The following FBF1 variants were observed in gnomAD, a reference collection of about 807,000 sequenced individuals.
The protein encoded by FBF1 is fas-binding factor 1.
FBF1 carries 119 observed loss-of-function variants against 147.2 expected under a neutral mutation model. The ratio of observed to expected loss-of-function variants is 0.81; its 90% CI spans 0.70 to 0.94. FBF1 has a LOEUF of 0.94. Ranked by LOEUF, FBF1 falls within the 40% of genes least tolerant of loss-of-function variation. The pLI is 0.00. For missense variants in FBF1, 1,449 were observed against 1,500.8 expected (o/e 0.97, Z 0.57); for synonymous variants, 601 against 609.0 (o/e 0.99, Z 0.19).
At chr17:75,917,601 G>A (rs1434309578) in intron 23 of FBF1, 131 bp downstream of exon 23, 3 of 799,652 alleles carry the variant, frequency 3.8e-6, no homozygotes, top group Non-Finnish European at 5.9e-6. Flanking sequence ...AGATGTAGAG[G>A]CAGGAAGCGG....
In FBF1 at chr17:75,922,173, G is replaced by T; in HGVS notation, c.1425-127C>A. ...CCCTTCCTCCTGCTTCCACCATCCC[G>T]TCTTGGGGCATTCTCCTCCCACGTC... is the stretch of plus-strand genomic sequence containing the variant. On this transcript the variant is annotated intron_variant, in intron 14 of 29. Transcript: ENST00000636174. This position sits in a 1 kb window ranked among gnomAD's most constrained non-coding sequence, Gnocchi z 5.0. 2.8e-6 allele frequency: 2 copies of T among 726,510 alleles called. No homozygotes were observed. The highest frequency in any genetic ancestry group is 4.5e-6 in the Non-Finnish European group (2 of 441,050). The allele number at this position is 726,510 out of a possible 1,614,324, so 45.0% of individuals were successfully genotyped here.
At chr17:75,931,315 A>C (rs1400876853) in intron 5 of FBF1, 26 bp from the exon 6 acceptor site, 2 of 1,568,756 alleles carry the variant, frequency 1.3e-6, no homozygotes, top group African/African-American at 2.7e-5. Flanking sequence ...GTCAGCCCCT[A>C]CCTGCATCCC....
Position 75,923,755 on chromosome 17 carries a change from C to A in FBF1, c.969-114G>T, listed in dbSNP as rs2065543854. On this transcript the variant is annotated intron_variant, in intron 13 of 29. Transcript: ENST00000636174. This position sits in a 1 kb window ranked among gnomAD's most constrained non-coding sequence, Gnocchi z 4.1. ...AGGGACCCTGCACAGTCAGCTGAGGCCCAGTGAGCAGTGGCTCCTGGACCG... is the reference window on the plus strand; with the variant it reads ...AGGGACCCTGCACAGTCAGCTGAGGACCAGTGAGCAGTGGCTCCTGGACCG... The A allele has an allele frequency of 5.5e-6, 6 of 1,091,036 alleles. No individual in the cohort carries two copies. Among genetic ancestry groups the A allele is most frequent in the Non-Finnish European group, 6.4e-6 (5 of 780,326 alleles). The allele number at this position is 1,091,036 out of a possible 1,614,324, so 67.6% of individuals were successfully genotyped here. A position where few individuals can be genotyped will look rare whatever the true frequency, so the allele number is the denominator to read the frequency against.
In FBF1 at chr17:75,927,984, C is replaced by T. The variant is rs6501840; in HGVS notation, c.397+92G>A. On this transcript the variant is annotated intron_variant, in intron 8 of 29. Transcript: ENST00000636174. ...CAGAGAAAACCCAAGGACATGAACG[C>T]TTCCTACTAGCATCTTCCACGTCCT... 9,763 of 1,037,252 alleles carry T rather than the reference C, an allele frequency of 9.4e-3. 285 individuals carry two copies. Among genetic ancestry groups the T allele is most frequent in the African/African-American group, 0.081 (5,100 of 62,722 alleles). The allele number at this position is 1,037,252 out of a possible 1,614,324, so 64.3% of individuals were successfully genotyped here.
In FBF1 at chr17:75,926,337, A is replaced by T. The variant is rs372219384; in HGVS notation, c.685T>A (p.Leu229Met). Reference protein sequence around the residue: ...FDDGDDIMATLGFGDSPKAEK... With the variant: ...FDDGDDIMATMGFGDSPKAEK... ...GCTTTGGGGCTGTCTCCAAACCCCA[A>T]GGTGGCCATGATGTCATCCCCATCA... is the stretch of plus-strand genomic sequence containing the variant. Residue 229 changes from leucine to methionine, a missense_variant, in exon 11 of 30, where the codon TTG becomes ATG. Coordinates refer to ENST00000636174, the MANE Select transcript of FBF1 (RefSeq NM_001319193.2). The T allele has an allele frequency of 6.2e-7, 1 of 1,613,166 alleles. No individual in the cohort carries two copies. Among genetic ancestry groups the T allele is most frequent in the African/African-American group, 1.3e-5 (1 of 74,932 alleles).
In FBF1 at chr17:75,910,272, G is replaced by C. The variant is rs1023303629; in HGVS notation, c.*451C>G. ...GAGGGCCCTTCTCCAGCTCATCAGG[G>C]AGGGAACTGCTCTGGCAGGGAGTAG... On this transcript the variant is annotated 3_prime_UTR_variant, in exon 30 of 30. Transcript: ENST00000636174. This position sits in a 1 kb window ranked among gnomAD's most constrained non-coding sequence, Gnocchi z 4.1. The C allele has an allele frequency of 5.8e-6, 2 of 347,022 alleles. No homozygotes were observed. The highest frequency in any genetic ancestry group is 1.1e-5 in the Non-Finnish European group (2 of 177,362). The allele number at this position is 347,022 out of a possible 1,614,324, so 21.5% of individuals were successfully genotyped here. A position where few individuals can be genotyped will look rare whatever the true frequency, so the allele number is the denominator to read the frequency against.
chr17:75,917,668 C>T (rs1017777806), intron 23 of FBF1, 64 bp downstream of exon 23: 23 of 1,429,556 alleles, frequency 1.6e-5, no homozygotes, highest in African/African-American at 7.0e-5. Flanking sequence ...GCTACACTTG[C>T]GGGTGCCCTG....
intron 23 of FBF1, among the ~76,000 whole-genome samples, chr17:75,916,851 T>C (rs2065491911): frequency 1.3e-5 from 2 of 152,190 alleles, no homozygotes; most frequent in African/African-American, 4.8e-5. Context: ...TTTAAATGTT[T>C]TTATTATTTA....
Position 75,923,621 on chromosome 17 carries a change from C to A in FBF1, c.989G>T (p.Gly330Val). ...GCCTGGTTCTCCCTTGGGGTCTGCG[C>A]CACTGTCTGCGAAGAACCTACTTCA... The part of the protein sequence containing the change: ...QSVSRFFADS[G>V]ADPKGEPGSK... Residue 330 changes from glycine to valine, a missense_variant, in exon 14 of 30, where the codon GGC becomes GTC. Physicochemically the swap from Gly to Val is moderately radical, Grantham distance 109. Transcript: ENST00000636174. The surrounding 1 kb of genome is among the most constrained non-coding windows in gnomAD (Gnocchi z 4.1). The A allele has an allele frequency of 6.2e-7, 1 of 1,606,594 alleles. No homozygotes were observed. The highest frequency in any genetic ancestry group is 1.1e-5 in the South Asian group (1 of 89,750).
At position 75,918,137 on chromosome 17, in the gene FBF1, G is replaced by C; in HGVS notation, c.2246+25C>G. On this transcript the variant is annotated intron_variant, in intron 21 of 29. Transcript: ENST00000636174. The surrounding 1 kb of genome is among the most constrained non-coding windows in gnomAD (Gnocchi z 5.8). ...ACCTTCCGGCCCCCAACGTCAGGCG[G>C]GCATGGTTGGGGCAGCGCACATACC... 1.9e-6 allele frequency: 3 copies of C among 1,611,316 alleles called. No individual in the cohort carries two copies. The highest frequency in any genetic ancestry group is 2.5e-6 in the Non-Finnish European group (3 of 1,178,362).
intron 5 of FBF1, 71 bp downstream of exon 5, chr17:75,932,924 T>C: frequency 1.2e-6 from 1 of 827,564 alleles, no homozygotes; most frequent in Admixed American, 3.0e-5. Context: ...AAGTAGAAAG[T>C]GGGGGGTGGA....
intron 15 of FBF1, among the ~76,000 whole-genome samples, 185 bp downstream of exon 15, chr17:75,921,760 G>A (rs117690091): frequency 0.031 from 4,651 of 148,112 alleles, 108 homozygotes; most frequent in Middle Eastern, 0.11. Flanking sequence ...GGTGGGACAC[G>A]GGGATGGGGC....
intron 25 of FBF1, 35 bp from the exon 26 acceptor site, chr17:75,914,333 C>CCAGGAATTG: frequency 6.4e-7 from 1 of 1,565,620 alleles, no homozygotes; most frequent in South Asian, 1.2e-5. Context: ...CATTCTCCTC[C>CCAGGAATTG]CAGGAATTGC....
Position 75,925,450 on chromosome 17 carries a change from T to G in FBF1, c.869-4A>C, listed in dbSNP as rs774085990. 6.2e-7 allele frequency: 1 copy of G among 1,611,930 alleles called. No individual in the cohort carries two copies. The highest frequency in any genetic ancestry group is 8.5e-7 in the Non-Finnish European group (1 of 1,178,922). On this transcript the variant is annotated splice_region_variant and splice_polypyrimidine_tract_variant and intron_variant, in intron 12 of 29. Transcript: ENST00000636174. This position sits in a 1 kb window ranked among gnomAD's most constrained non-coding sequence, Gnocchi z 5.0. Reference sequence around the variant, plus strand: ...TCACCCCACATATCTTCACTGTCTGTGAATTAAGGAGCCTGTGACCGTGAT... The same window carrying G: ...TCACCCCACATATCTTCACTGTCTGGGAATTAAGGAGCCTGTGACCGTGAT...
rs1450331902 is a variant in FBF1 at position 75,925,955 on chromosome 17, C to T, written c.868+75G>A. 8.0e-6 allele frequency: 12 copies of T among 1,498,564 alleles called. No homozygotes were observed. The African/African-American group carries it at 1.1e-4, about 14-fold the overall frequency. 92.8% of individuals were successfully genotyped at this position (1,498,564 alleles called of 1,614,324 possible). On this transcript the variant is annotated intron_variant, in intron 12 of 29. Transcript: ENST00000636174. The surrounding 1 kb of genome is among the most constrained non-coding windows in gnomAD (Gnocchi z 5.0). Reference sequence around the variant, plus strand: ...GTATCAGGATGTGAGGCTGATTTCTCATTATAGGTTGTGATGAAAGCCTGA... The same window carrying T: ...GTATCAGGATGTGAGGCTGATTTCTTATTATAGGTTGTGATGAAAGCCTGA...
intron 5 of FBF1, 40 bp from the exon 6 acceptor site, chr17:75,931,329 G>A (rs1203703211): frequency 1.3e-6 from 2 of 1,539,120 alleles, no homozygotes; most frequent in African/African-American, 2.7e-5. Flanking sequence ...GCATCCCAGG[G>A]CACTGGATGA....
chr17:75,925,390 C>A lies in FBF1; in HGVS notation c.925G>T (p.Val309Leu). ...DFTFGAYQPT[V>L]VSSEGRQSRR... ...GACTGCCGGCCCTCAGAGGAGACCA[C>A]AGTGGGCTGATAGGCTCCAAAGGTG... The change falls in exon 13 of 30, where the codon GTG becomes TTG. Residue 309 changes from valine to leucine, a missense_variant. Physicochemically the swap from Val to Leu is conservative, Grantham distance 32. Transcript: ENST00000636174. This position sits in a 1 kb window ranked among gnomAD's most constrained non-coding sequence, Gnocchi z 5.0. 6.2e-7 allele frequency: 1 copy of A among 1,613,690 alleles called. No individual in the cohort carries two copies.
intron 4 of FBF1, 74 bp from the exon 5 acceptor site, chr17:75,933,162 C>T (rs2065604709): frequency 8.4e-7 from 1 of 1,185,778 alleles, no homozygotes; most frequent in Non-Finnish European, 1.2e-6. Flanking sequence ...GGCTGGCAAG[C>T]TCCCTTCCCA....
intron 13 of FBF1, among the ~76,000 whole-genome samples, chr17:75,924,346 A>G (rs186379287): frequency 2.3e-4 from 35 of 152,336 alleles, no homozygotes; most frequent in African/African-American, 7.7e-4. Context: ...CGTACTGGGT[A>G]TGGGAAGTAA....
Sources: allele counts gnomAD v4.1 joint callset (sites outside exome capture counted in the v4.1 genomes callset), GRCh38; gene constraint gnomAD v4.1.1; non-coding constraint Gnocchi (gnomAD v3.1); transcripts MANE v1.5; gene names NCBI Gene and HGNC (gene_info 2026-07-23, HGNC 2026-07-21).